Variants in SGCE observed in about 807,000 individuals in gnomAD.
SGCE encodes the protein epsilon-sarcoglycan.
In SGCE, 26 loss-of-function variants were observed where a neutral mutation model predicts 57.8. The observed-to-expected ratio is 0.45, with a 90% CI of 0.33 to 0.62. The LOEUF is 0.62. SGCE is among the 20% of genes least tolerant of loss of function. The pLI is 0.02. For missense variants in SGCE, 468 were observed against 548.6 expected, an observed-to-expected ratio of 0.85 and a Z score of 1.47; for synonymous variants, 183 against 189.5, an observed-to-expected ratio of 0.97 and a Z score of 0.28.
chr7:94,603,749 A>T (rs1250061089), intron 5 of SGCE, among the ~76,000 whole-genome samples: 1 of 152,088 alleles, frequency 6.6e-6, no homozygotes, highest in African/African-American at 2.4e-5. Context: ...AACATGCATC[A>T]TATTCTGATT....
At chr7:94,651,610 T>C (rs1342884315) in intron 1 of SGCE, among the ~76,000 whole-genome samples, 2 of 152,218 alleles carry the variant, frequency 1.3e-5, no homozygotes, top group African/African-American at 4.8e-5. Flanking sequence ...AATCTATACA[T>C]ATTAAAATTA....
At chr7:94,640,427 T>C (rs558237069) in intron 1 of SGCE, among the ~76,000 whole-genome samples, 1 of 152,268 alleles carries the variant, frequency 6.6e-6, no homozygotes, top group African/African-American at 2.4e-5. Context: ...ATTGATCCTG[T>C]TTTTCACCAT....
intron 3 of SGCE, chr7:94,623,974 A>G (rs1215935130): frequency 5.2e-6 from 2 of 383,486 alleles, no homozygotes; most frequent in Non-Finnish European, 9.2e-6. Flanking sequence ...ACACAAATCA[A>G]TCCCTTCATA....
intron 1 of SGCE, among the ~76,000 whole-genome samples, chr7:94,654,847 T>G (rs2117125952): frequency 6.6e-6 from 1 of 152,346 alleles, no homozygotes; most frequent in East Asian, 1.9e-4. Context: ...TTCAGAAACC[T>G]AACTCAGCTG....
intron 6 of SGCE, among the ~76,000 whole-genome samples, chr7:94,602,553 T>A (rs1215653730): frequency 1.3e-5 from 2 of 151,740 alleles, no homozygotes; most frequent in East Asian, 3.9e-4. Flanking sequence ...CACTAAATAA[T>A]TAAAACATCA....
At chr7:94,641,746 C>T (rs1266929803) in intron 1 of SGCE, among the ~76,000 whole-genome samples, 1 of 148,782 alleles carries the variant, frequency 6.7e-6, no homozygotes, top group Non-Finnish European at 1.5e-5. Context: ...TATGAAAAAT[C>T]CAACCCTTCA....
chr7:94,641,652 C>G (rs1484187569), intron 1 of SGCE, among the ~76,000 whole-genome samples: 2 of 152,164 alleles, frequency 1.3e-5, no homozygotes, highest in Non-Finnish European at 2.9e-5. Flanking sequence ...TTTAAAAGAG[C>G]TCCCCACCTT....
At chr7:94,642,009 C>T (rs953611894) in intron 1 of SGCE, among the ~76,000 whole-genome samples, 2 of 152,032 alleles carry the variant, frequency 1.3e-5, no homozygotes, top group African/African-American at 4.8e-5. Context: ...ATGTCACAGG[C>T]ACCCTTTATA....
intron 5 of SGCE, among the ~76,000 whole-genome samples, chr7:94,604,453 CAA>C (rs1799733917): frequency 6.6e-6 from 1 of 151,564 alleles, no homozygotes; most frequent in South Asian, 2.1e-4. Context: ...TAAGGAAAAA[CAA>C]ATTTGGAAAA....
chr7:94,649,602 A>G (rs1181643233), intron 1 of SGCE, among the ~76,000 whole-genome samples: 1 of 152,230 alleles, frequency 6.6e-6, no homozygotes, highest in Non-Finnish European at 1.5e-5. Flanking sequence ...CATCTTCAAC[A>G]ACAGGGATGC....
At chr7:94,647,008 G>A (rs1402456346) in intron 1 of SGCE, among the ~76,000 whole-genome samples, 1 of 152,114 alleles carries the variant, frequency 6.6e-6, no homozygotes, top group Non-Finnish European at 1.5e-5. Context: ...TATTCTATGT[G>A]TGTACACACA....
chr7:94,648,399 G>A (rs200311188), intron 1 of SGCE, among the ~76,000 whole-genome samples: 2,147 of 86,884 alleles, frequency 0.025, no homozygotes, highest in South Asian at 0.053. Flanking sequence ...AAAAAAAAAA[G>A]AATTACTAAT....
chr7:94,636,915 A>C (rs1805664958), intron 1 of SGCE, among the ~76,000 whole-genome samples: 1 of 152,038 alleles, frequency 6.6e-6, no homozygotes, highest in Non-Finnish European at 1.5e-5. Flanking sequence ...AATACAAAAA[A>C]TTAGCAGGGC....
chr7:94,600,724 G>T lies in SGCE; in HGVS notation c.959C>A (p.Thr320Lys), dbSNP rs1203239184. ...TGCCACTGCCGAGGGCACAGCCAGT[G>T]TAATTAGGAAATCCGTGTAATAGTC... ...SRDYYTDFLI[T>K]LAVPSAVALV... The change falls in exon 7 of 11, where the codon ACA (threonine) becomes AAA (lysine). Residue 320 changes from threonine to lysine, a missense_variant. Thr to Lys is a moderately conservative substitution (Grantham distance 78). Transcript: ENST00000648936. 6 of 1,613,828 alleles carry T rather than the reference G, an allele frequency of 3.7e-6. 1 individual carries two copies. The highest frequency in any genetic ancestry group is 5.1e-6 in the Non-Finnish European group (6 of 1,179,854).
intron 5 of SGCE, among the ~76,000 whole-genome samples, chr7:94,610,106 GA>G (rs1800772808): frequency 6.6e-6 from 1 of 152,182 alleles, no homozygotes; most frequent in Non-Finnish European, 1.5e-5. Flanking sequence ...AGCAAATATG[GA>G]AAGGCTACAG....
chr7:94,590,765 C>T (rs1797565725), intron 9 of SGCE: 1 of 152,094 alleles, frequency 6.6e-6, no homozygotes. Flanking sequence ...TTTCTTTGTC[C>T]CTCATGCTGG....
At chr7:94,637,226 T>C (rs1440611502) in intron 1 of SGCE, among the ~76,000 whole-genome samples, 1 of 152,188 alleles carries the variant, frequency 6.6e-6, no homozygotes, top group Non-Finnish European at 1.5e-5. Flanking sequence ...GCATTTAAAA[T>C]GGCCTTGCCA....
intron 1 of SGCE, among the ~76,000 whole-genome samples, chr7:94,651,716 G>A (rs944644801): frequency 2.0e-5 from 3 of 152,174 alleles, no homozygotes; most frequent in African/African-American, 4.8e-5. Flanking sequence ...GTGGAAACTG[G>A]AGATTTGTTT....
In SGCE at chr7:94,656,080, A is replaced by C. The variant is rs1271444866; in HGVS notation, c.19T>G (p.Trp7Gly). 6.2e-7 allele frequency: 1 copy of C among 1,611,022 alleles called. No individual in the cohort carries two copies. Residue 7 changes from tryptophan to glycine, a missense_variant, in exon 1 of 11, where the codon TGG becomes GGG. By Grantham distance (184) the Trp-to-Gly change is radical. Transcript: ENST00000648936. MQLPRW[W>G]ELGDPCAWTG... is the part of the protein sequence containing the mutation. ...CAAGCACAGGGGTCTCCCAGCTCCC[A>C]CCACCGGGGCAATTGCATTCTTGGC...
Sources: allele counts gnomAD v4.1 joint callset (sites outside exome capture counted in the v4.1 genomes callset), GRCh38; gene constraint gnomAD v4.1.1; transcripts MANE v1.5; gene names NCBI Gene and HGNC (gene_info 2026-07-23, HGNC 2026-07-21).